CDH6: variants seen among roughly 807,000 people sequenced by gnomAD.
CDH6 encodes cadherin-6.
Under a neutral mutation model 78.0 loss-of-function variants are expected in CDH6, and 31 were observed. That is an observed-to-expected ratio of 0.40 (90% CI 0.30 to 0.54). The LOEUF is 0.54. Ranked by LOEUF, CDH6 falls within the 20% of genes least tolerant of loss-of-function variation. The probability of loss-of-function intolerance (pLI) is 0.56; values close to 1 mark genes in which losing one functional copy is unlikely to be tolerated. For synonymous variants in CDH6, 376 were observed against 368.8 expected (o/e 1.02, Z -0.23); for missense variants, 724 against 975.9 (o/e 0.74, Z 3.44).
chr5:31,244,983 TA>T (rs1376622913), intron 1 of CDH6, among the ~76,000 whole-genome samples: 1 of 152,226 alleles, frequency 6.6e-6, no homozygotes, highest in Admixed American at 6.5e-5. Context: ...ATGACCTTGC[TA>T]TTTATCCTTA....
rs1738527558 is a variant in CDH6 at position 31,323,368 on chromosome 5, A to G, written c.*60A>G. 6.5e-7 allele frequency: 1 copy of G among 1,540,292 alleles called. No homozygotes were observed. Among genetic ancestry groups the G allele is most frequent in the Non-Finnish European group, 8.8e-7 (1 of 1,137,372 alleles). On this transcript the variant is annotated 3_prime_UTR_variant, in exon 12 of 12. Coordinates refer to ENST00000265071, the MANE Select transcript of CDH6 (RefSeq NM_004932.4). Reference sequence around the variant, plus strand: ...AAATATGTGAAGTGGCTATTTCTTTATATTTATCCACTACTCCGTGAAGGC... The same window carrying G: ...AAATATGTGAAGTGGCTATTTCTTTGTATTTATCCACTACTCCGTGAAGGC...
intron 2 of CDH6, among the ~76,000 whole-genome samples, chr5:31,276,665 A>G (rs1742703865): frequency 6.6e-6 from 1 of 152,176 alleles, no homozygotes; most frequent in Non-Finnish European, 1.5e-5. Context: ...CTTTTCATTC[A>G]TTCAACAATT....
chr5:31,210,059 GA>G (rs1740649990), intron 1 of CDH6, among the ~76,000 whole-genome samples: 1 of 143,664 alleles, frequency 7.0e-6, no homozygotes, highest in African/African-American at 2.7e-5. Flanking sequence ...CCATTCTTGG[GA>G]CCAGCTTTTC....
chr5:31,315,973 A>G (rs890338884), intron 8 of CDH6, among the ~76,000 whole-genome samples: 2 of 152,192 alleles, frequency 1.3e-5, no homozygotes, highest in African/African-American at 2.4e-5. Flanking sequence ...CAGTTGAACT[A>G]TATCAACACA....
chr5:31,321,514 G>A (rs1004161381), intron 11 of CDH6, among the ~76,000 whole-genome samples: 1 of 152,090 alleles, frequency 6.6e-6, no homozygotes, highest in Non-Finnish European at 1.5e-5. Flanking sequence ...GTATCTACTT[G>A]TAGGGCTATT....
intron 3 of CDH6, among the ~76,000 whole-genome samples, chr5:31,296,677 AC>A (rs1484702159): frequency 6.6e-6 from 1 of 152,184 alleles, no homozygotes; most frequent in Non-Finnish European, 1.5e-5. Context: ...AGTTTAAACA[AC>A]AACAAATAAG....
At chr5:31,266,365 C>T (rs946831427) in intron 1 of CDH6, among the ~76,000 whole-genome samples, 3 of 152,194 alleles carry the variant, frequency 2.0e-5, no homozygotes, top group Admixed American at 6.5e-5. Flanking sequence ...GTTGATGGCC[C>T]TCACTGGTAC....
intron 1 of CDH6, among the ~76,000 whole-genome samples, chr5:31,200,290 G>A (rs1216000168): frequency 6.6e-6 from 1 of 151,954 alleles, no homozygotes; most frequent in Non-Finnish European, 1.5e-5. Context: ...ATTTCAGGAA[G>A]GTAGCTAAAA....
intron 1 of CDH6, among the ~76,000 whole-genome samples, chr5:31,194,129 C>T (rs1740095330): frequency 6.6e-6 from 1 of 152,016 alleles, no homozygotes; most frequent in Non-Finnish European, 1.5e-5. Context: ...GGGCACCGCT[C>T]CTCCGCCTCC....
chr5:31,280,640 G>A (rs1291799305), intron 2 of CDH6, among the ~76,000 whole-genome samples: 3 of 152,106 alleles, frequency 2.0e-5, no homozygotes, highest in Non-Finnish European at 4.4e-5. Flanking sequence ...GGAGGGAGAG[G>A]AGCACAAATT....
chr5:31,281,293 CAA>C (rs1742856322), intron 2 of CDH6, among the ~76,000 whole-genome samples: 1 of 125,844 alleles, frequency 7.9e-6, no homozygotes, highest in Non-Finnish European at 1.5e-5. Flanking sequence ...ACATATGTGT[CAA>C]AGAGAAAGAG....
chr5:31,218,165 C>T (rs1740917186), intron 1 of CDH6, among the ~76,000 whole-genome samples: 1 of 152,020 alleles, frequency 6.6e-6, no homozygotes, highest in Non-Finnish European at 1.5e-5. Flanking sequence ...TATGTTCTTG[C>T]AACCATTACT....
intron 1 of CDH6, among the ~76,000 whole-genome samples, chr5:31,242,704 G>GA (rs1554005342): frequency 6.6e-6 from 1 of 150,874 alleles, no homozygotes; most frequent in African/African-American, 2.4e-5. Flanking sequence ...ATAAGAATGG[G>GA]GGGGGGCGGT....
intron 1 of CDH6, among the ~76,000 whole-genome samples, chr5:31,265,485 T>C (rs191775759): frequency 1.3e-5 from 2 of 152,322 alleles, no homozygotes; most frequent in South Asian, 2.1e-4. Context: ...TATCTTTCAA[T>C]AGAAGGCTTT....
intron 9 of CDH6, 84 bp from the exon 10 acceptor site, chr5:31,317,291 T>C: frequency 1.4e-6 from 1 of 715,928 alleles, no homozygotes; most frequent in Non-Finnish European, 2.5e-6. Flanking sequence ...TTTAAATCAT[T>C]TTGTCAAGCA....
intron 1 of CDH6, among the ~76,000 whole-genome samples, chr5:31,256,031 T>C (rs1196764879): frequency 2.0e-5 from 3 of 152,206 alleles, no homozygotes; most frequent in Non-Finnish European, 4.4e-5. Flanking sequence ...CCCTTTTTGC[T>C]GTGTGTATGT....
rs562883456 is a variant in CDH6, at chr5:31,225,145, C to A, written c.-129+31259C>A. ...TGCAAATAGTGCTGAGGTTTTGAAA[C>A]CCTGTTTTACGGAGTTGTCCAATGA... On this transcript the variant is annotated intron_variant, in intron 1 of 11. Coordinates refer to ENST00000265071, the MANE Select transcript of CDH6 (RefSeq NM_004932.4). 2.3e-4 allele frequency among the ~76,000 whole-genome samples: 35 copies of A among 152,290 alleles called. 1 individual carries two copies. The highest frequency in any genetic ancestry group is 8.4e-4 in the African/African-American group (35 of 41,566).
intron 1 of CDH6, among the ~76,000 whole-genome samples, chr5:31,252,534 T>C (rs1006101846): frequency 4.9e-4 from 74 of 152,218 alleles, no homozygotes; most frequent in South Asian, 8.3e-4. Context: ...AATTATATTT[T>C]GGCTTAGTTT....
intron 1 of CDH6, among the ~76,000 whole-genome samples, chr5:31,236,514 C>T (rs1465261079): frequency 6.6e-6 from 1 of 152,136 alleles, no homozygotes; most frequent in Non-Finnish European, 1.5e-5. Flanking sequence ...CCTTCCCAGG[C>T]CCTGCCTCGT....
Sources: gnomAD v4.1 joint callset for allele counts (sites outside exome capture counted in the v4.1 genomes callset) on GRCh38, gnomAD v4.1.1 for gene constraint, MANE v1.5 for transcripts, NCBI Gene and HGNC (gene_info 2026-07-23, HGNC 2026-07-21) for gene names.